KIAA0825: variants seen among roughly 807,000 people sequenced by gnomAD.
KIAA0825 encodes KIAA0825.
In KIAA0825, 119 loss-of-function variants were observed where a neutral mutation model predicts 147.6. The observed-to-expected ratio is 0.81, with a 90% CI of 0.69 to 0.94. The LOEUF is 0.94. KIAA0825 is among the 40% of genes least tolerant of loss of function. The probability of loss-of-function intolerance (pLI) is 0.00; values close to 1 mark genes in which losing one functional copy is unlikely to be tolerated. For synonymous variants in KIAA0825, 470 were observed against 518.1 expected, an observed-to-expected ratio of 0.91 and a Z score of 1.26; for missense variants, 1,381 against 1,472.7, an observed-to-expected ratio of 0.94 and a Z score of 1.02.
chr5:94,501,560 CT>C (rs1036850442), intron 5 of KIAA0825, among the ~76,000 whole-genome samples: 1 of 152,164 alleles, frequency 6.6e-6, no homozygotes, highest in African/African-American at 2.4e-5. Context: ...ACTCCCATGC[CT>C]TTTGTCCAGG....
chr5:94,565,126 G>T (rs1451840258), intron 2 of KIAA0825, among the ~76,000 whole-genome samples: 1 of 62,486 alleles, frequency 1.6e-5, no homozygotes, highest in African/African-American at 6.6e-5. Context: ...TAGAGATGAG[G>T]TCTCACACTG....
intron 20 of KIAA0825, among the ~76,000 whole-genome samples, chr5:94,379,134 T>C (rs1032550657): frequency 6.6e-6 from 1 of 152,236 alleles, no homozygotes; most frequent in African/African-American, 2.4e-5. Context: ...CAATTTTGGT[T>C]TTTGTTTCAA....
At chr5:94,258,266 G>C (rs1057415285) in intron 20 of KIAA0825, among the ~76,000 whole-genome samples, 5 of 151,932 alleles carry the variant, frequency 3.3e-5, no homozygotes, top group African/African-American at 1.2e-4. Flanking sequence ...AGGTTTAGGA[G>C]AGTTTATTTT....
At chr5:94,487,335 A>G (rs1763173961) in intron 5 of KIAA0825, among the ~76,000 whole-genome samples, 2 of 152,214 alleles carry the variant, frequency 1.3e-5, no homozygotes, top group Non-Finnish European at 2.9e-5. Context: ...CTTATTTCCT[A>G]TTACTATCAG....
intron 6 of KIAA0825, among the ~76,000 whole-genome samples, chr5:94,480,362 G>C (rs1762358725): frequency 6.6e-6 from 1 of 151,988 alleles, no homozygotes; most frequent in Non-Finnish European, 1.5e-5. Flanking sequence ...GTATGAAGTA[G>C]TTACTCTTTC....
intron 20 of KIAA0825, among the ~76,000 whole-genome samples, chr5:94,349,671 C>T (rs1489432444): frequency 6.6e-6 from 1 of 152,186 alleles, no homozygotes; most frequent in Non-Finnish European, 1.5e-5. Flanking sequence ...AAATAACCTG[C>T]TCCTGAATGA....
chr5:94,211,472 T>C (rs953673006), intron 20 of KIAA0825, among the ~76,000 whole-genome samples: 14 of 152,214 alleles, frequency 9.2e-5, no homozygotes, highest in African/African-American at 3.1e-4. Flanking sequence ...TCTCATGTTA[T>C]CACGCTGATT....
intron 20 of KIAA0825, among the ~76,000 whole-genome samples, chr5:94,161,047 C>T (rs1238425985): frequency 6.6e-6 from 1 of 152,312 alleles, no homozygotes; most frequent in Middle Eastern, 3.4e-3. Flanking sequence ...CAATCTTGTT[C>T]ACACAGTCTG....
At chr5:94,405,483 A>AAC (rs1751923375) in intron 15 of KIAA0825, among the ~76,000 whole-genome samples, 1 of 152,206 alleles carries the variant, frequency 6.6e-6, no homozygotes. Flanking sequence ...AGTCATTGGA[A>AAC]ACAAGGTCTC....
chr5:94,511,259 C>T (rs148690992), intron 5 of KIAA0825, among the ~76,000 whole-genome samples: 19 of 152,306 alleles, frequency 1.2e-4, no homozygotes, highest in Non-Finnish European at 2.5e-4. Flanking sequence ...CCCCTCCTCA[C>T]CCCTGACTAT....
At chr5:94,481,755 G>C (rs972880150) in intron 6 of KIAA0825, among the ~76,000 whole-genome samples, 1 of 151,970 alleles carries the variant, frequency 6.6e-6, no homozygotes, top group African/African-American at 2.4e-5. Context: ...GACCCCCTAA[G>C]AGTACAAACA....
At chr5:94,262,870 A>G (rs890161518) in intron 20 of KIAA0825, among the ~76,000 whole-genome samples, 1 of 152,140 alleles carries the variant, frequency 6.6e-6, no homozygotes, top group Non-Finnish European at 1.5e-5. Flanking sequence ...ATAGTTTCCC[A>G]GAAAATTTAT....
At chr5:94,601,988 G>A (rs866108153) in intron 1 of KIAA0825, among the ~76,000 whole-genome samples, 2 of 152,196 alleles carry the variant, frequency 1.3e-5, no homozygotes, top group African/African-American at 4.8e-5. Flanking sequence ...TCATCCATGA[G>A]AACTTCCACA....
chr5:94,478,483 A>ACACACACACACACACACACAC (rs1562539041), intron 6 of KIAA0825, among the ~76,000 whole-genome samples: 1 of 151,494 alleles, frequency 6.6e-6, no homozygotes, highest in African/African-American at 2.4e-5. Context: ...ACACACACAC[A>ACACACACACACACACACACAC]AATTGGGGAT....
intron 5 of KIAA0825, 88 bp downstream of exon 5, chr5:94,520,160 A>G (rs1767889201): frequency 3.0e-6 from 4 of 1,340,394 alleles, no homozygotes; most frequent in Non-Finnish European, 3.9e-6. Context: ...GTTTGCAGTG[A>G]GATTTAACCA....
intron 20 of KIAA0825, among the ~76,000 whole-genome samples, chr5:94,157,874 TG>T (rs1767180121): frequency 6.6e-6 from 1 of 152,106 alleles, no homozygotes. Flanking sequence ...GGTATATCCT[TG>T]GTAGCATTGG....
intron 2 of KIAA0825, among the ~76,000 whole-genome samples, chr5:94,541,141 T>C (rs1365567136): frequency 6.6e-6 from 1 of 152,164 alleles, no homozygotes; most frequent in Non-Finnish European, 1.5e-5. Flanking sequence ...TCATAAAATG[T>C]CACTATGACT....
At chr5:94,164,415 A>ATT (rs35874579) in intron 20 of KIAA0825, among the ~76,000 whole-genome samples, 3 of 143,158 alleles carry the variant, frequency 2.1e-5, no homozygotes, top group African/African-American at 2.6e-5. Context: ...CAGTGAACTT[A>ATT]TTTTTTTTTT....
intron 7 of KIAA0825, among the ~76,000 whole-genome samples, chr5:94,473,750 C>T (rs888557942): frequency 2.0e-5 from 3 of 152,076 alleles, no homozygotes; most frequent in African/African-American, 7.2e-5. Flanking sequence ...TTTAATTCAT[C>T]AGTAGATTTA....
Sources: gnomAD v4.1 joint callset for allele counts (sites outside exome capture counted in the v4.1 genomes callset) on GRCh38, gnomAD v4.1.1 for gene constraint, MANE v1.5 for transcripts, NCBI Gene and HGNC (gene_info 2026-07-23, HGNC 2026-07-21) for gene names.